Variants in SPRR2B observed in about 807,000 individuals in gnomAD.
SPRR2B encodes the protein small proline-rich protein 2B.
SPRR2B carries 1 observed loss-of-function variant against 1.0 expected under a neutral mutation model. The ratio of observed to expected loss-of-function variants is 1.01; its 90% CI spans 0.36 to 4.77. The LOEUF (loss-of-function observed/expected upper bound fraction) is 4.77, where lower values mean the gene tolerates loss of function less well. SPRR2B is among the 30% of genes most tolerant of loss of function. The pLI is 0.16. For synonymous variants in SPRR2B, 27 were observed against 33.4 expected, an observed-to-expected ratio of 0.81 and a Z score of 0.66; for missense variants, 53 against 88.7, an observed-to-expected ratio of 0.60 and a Z score of 1.62.
the SPRR2B span, among the ~76,000 whole-genome samples, chr1:153,086,928 C>T: frequency 6.6e-6 from 1 of 152,140 alleles, no homozygotes; most frequent in Admixed American, 6.5e-5. Context: ...AAAAAATTCA[C>T]TCCAAAACAT....
At chr1:153,084,157 C>A in the SPRR2B span, among the ~76,000 whole-genome samples, 1 of 152,150 alleles carries the variant, frequency 6.6e-6, no homozygotes, top group Non-Finnish European at 1.5e-5. Context: ...GGTCACCCAC[C>A]AGCCCATCTG....
At chr1:153,076,410 A>G (rs1654767757), upstream of SPRR2B, among the ~76,000 whole-genome samples, 1 of 152,210 alleles carries the variant, frequency 6.6e-6, no homozygotes, top group African/African-American at 2.4e-5. Context: ...GGAATAATTC[A>G]GATACTTCTA....
chr1:153,086,632 G>A, the SPRR2B span, among the ~76,000 whole-genome samples: 1 of 152,130 alleles, frequency 6.6e-6, no homozygotes, highest in African/African-American at 2.4e-5. Context: ...AAGACACATA[G>A]TCATAAGATT....
At chr1:153,074,813 G>A (rs1235825773), upstream of SPRR2B, among the ~76,000 whole-genome samples, 2 of 152,170 alleles carry the variant, frequency 1.3e-5, no homozygotes, top group African/African-American at 2.4e-5. Context: ...CAAGAGACAA[G>A]CATGTCCATT....
chr1:153,073,690 A>G (rs986750135), upstream of SPRR2B, among the ~76,000 whole-genome samples: 5 of 136,810 alleles, frequency 3.7e-5, no homozygotes, highest in South Asian at 7.2e-4. Flanking sequence ...AGAGCGAGGC[A>G]TACTTCACAC....
chr1:153,071,348 C>T (rs1654661658), intron 1 of SPRR2B, among the ~76,000 whole-genome samples: 1 of 152,154 alleles, frequency 6.6e-6, no homozygotes, highest in Admixed American at 6.5e-5. Flanking sequence ...TTTCTTCCAA[C>T]CAAAGCTTTC....
At chr1:153,084,170 C>T in the SPRR2B span, among the ~76,000 whole-genome samples, 15 of 152,164 alleles carry the variant, frequency 9.9e-5, no homozygotes, top group Admixed American at 9.2e-4. Flanking sequence ...CCCATCTGCT[C>T]GCTCCACAAA....
At chr1:153,079,681 G>A in the SPRR2B span, among the ~76,000 whole-genome samples, 1 of 152,072 alleles carries the variant, frequency 6.6e-6, no homozygotes, top group Non-Finnish European at 1.5e-5. Flanking sequence ...TTGTAGATAT[G>A]CAGCATTATT....
the SPRR2B span, among the ~76,000 whole-genome samples, chr1:153,081,757 G>A: frequency 2.6e-5 from 4 of 151,696 alleles, no homozygotes; most frequent in East Asian, 7.7e-4. Context: ...ATATAAAGAT[G>A]TAATTTGTGA....
At chr1:153,081,687 A>G in the SPRR2B span, among the ~76,000 whole-genome samples, 1 of 152,228 alleles carries the variant, frequency 6.6e-6, no homozygotes, top group African/African-American at 2.4e-5. Flanking sequence ...TATTTTCTAC[A>G]AGATTTAAAA....
At chr1:153,082,284 C>T in the SPRR2B span, among the ~76,000 whole-genome samples, 61 of 152,234 alleles carry the variant, frequency 4.0e-4, no homozygotes, top group Non-Finnish European at 6.8e-4. Context: ...GAAGACCTTC[C>T]TTATCAGTAA....
upstream of SPRR2B, among the ~76,000 whole-genome samples, chr1:153,072,964 T>C (rs1289551331): frequency 6.6e-6 from 1 of 152,134 alleles, no homozygotes; most frequent in Non-Finnish European, 1.5e-5. Flanking sequence ...GGTTTTATAA[T>C]TGGAGAAGAA....
chr1:153,072,051 G>C (rs909186600), upstream of SPRR2B, among the ~76,000 whole-genome samples: 2 of 152,164 alleles, frequency 1.3e-5, no homozygotes, highest in Non-Finnish European at 2.9e-5. Context: ...TTTTTGCTAA[G>C]TTGTATGCCA....
the SPRR2B span, among the ~76,000 whole-genome samples, chr1:153,080,873 A>G: frequency 8.5e-5 from 13 of 152,216 alleles, no homozygotes; most frequent in Non-Finnish European, 1.6e-4. Flanking sequence ...AACATCCACT[A>G]TCTGTGATCT....
chr1:153,074,878 G>T (rs541047855), upstream of SPRR2B, among the ~76,000 whole-genome samples: 1 of 152,114 alleles, frequency 6.6e-6, no homozygotes, highest in Non-Finnish European at 1.5e-5. Flanking sequence ...TTGGGCAGAC[G>T]CTAAAGGTGG....
chr1:153,072,026 T>C (rs1654676896), upstream of SPRR2B, among the ~76,000 whole-genome samples: 1 of 152,202 alleles, frequency 6.6e-6, no homozygotes, highest in African/African-American at 2.4e-5. Flanking sequence ...AAGGCCTGAG[T>C]TCTGGCCACA....
chr1:153,083,943 C>T, the SPRR2B span, among the ~76,000 whole-genome samples: 1 of 152,182 alleles, frequency 6.6e-6, no homozygotes, highest in African/African-American at 2.4e-5. Flanking sequence ...AGCTGTTGGA[C>T]CTGAATTCTG....
chr1:153,076,877 G>C, the SPRR2B span, among the ~76,000 whole-genome samples: 1 of 152,124 alleles, frequency 6.6e-6, no homozygotes, highest in African/African-American at 2.4e-5. Context: ...TTATAACATG[G>C]AATGACCTAT....
the SPRR2B span, among the ~76,000 whole-genome samples, chr1:153,087,049 G>A: frequency 6.6e-6 from 1 of 152,046 alleles, no homozygotes; most frequent in Non-Finnish European, 1.5e-5. Flanking sequence ...GAATCTCTGG[G>A]ACACAGCTAA....
Sources: allele counts gnomAD v4.1 joint callset (sites outside exome capture counted in the v4.1 genomes callset), GRCh38; gene constraint gnomAD v4.1.1; transcripts MANE v1.5; gene names NCBI Gene and HGNC (gene_info 2026-07-23, HGNC 2026-07-21).